Variants in KIAA1217 observed in about 807,000 individuals in gnomAD.
KIAA1217 encodes KIAA1217.
Under a neutral mutation model 163.9 loss-of-function variants are expected in KIAA1217, and 88 were observed. The ratio of observed to expected loss-of-function variants is 0.54; its 90% CI spans 0.45 to 0.64. The LOEUF is 0.64. Among genes scored for constraint, KIAA1217 ranks in the 30% least tolerant of loss-of-function variants. KIAA1217 has a pLI of 0.00. For missense variants in KIAA1217, 2,372 were observed against 2,475.0 expected (o/e 0.96, Z 0.88); for synonymous variants, 903 against 923.1 (o/e 0.98, Z 0.39).
chr10:24,184,989 C>A (rs974883720), intron 2 of KIAA1217, among the ~76,000 whole-genome samples: 8 of 152,054 alleles, frequency 5.3e-5, no homozygotes, highest in Non-Finnish European at 1.0e-4. Flanking sequence ...ATATATGTTT[C>A]TGTATGTAAA....
At chr10:24,054,362 G>A (rs1031359428) in intron 2 of KIAA1217, among the ~76,000 whole-genome samples, 1 of 152,166 alleles carries the variant, frequency 6.6e-6, no homozygotes, top group Non-Finnish European at 1.5e-5. Context: ...GCTATTTAAA[G>A]CCATGGGATT....
chr10:24,017,227 AT>A (rs1240826407), intron 2 of KIAA1217, among the ~76,000 whole-genome samples: 2 of 151,332 alleles, frequency 1.3e-5, no homozygotes, highest in East Asian at 3.9e-4. Flanking sequence ...TAACTTTAAC[AT>A]TTTACATTTT....
At chr10:24,370,671 C>T (rs1369299480) in intron 2 of KIAA1217, among the ~76,000 whole-genome samples, 4 of 152,146 alleles carry the variant, frequency 2.6e-5, no homozygotes, top group Non-Finnish European at 4.4e-5. Context: ...CAGCCTTGAA[C>T]TGCCAGGTTC....
chr10:24,190,025 T>TA (rs78009696), intron 2 of KIAA1217, among the ~76,000 whole-genome samples: 2,119 of 127,080 alleles, frequency 0.017, 34 homozygotes, highest in African/African-American at 0.037. Flanking sequence ...TGTCTCTATT[T>TA]AAAAAAAAAA....
At chr10:24,216,006 C>T (rs1449990066) in intron 1 of KIAA1217, among the ~76,000 whole-genome samples, 2 of 152,066 alleles carry the variant, frequency 1.3e-5, no homozygotes, top group African/African-American at 4.8e-5. Context: ...TCCTCTAAAT[C>T]GCATCAATCC....
chr10:24,514,245 G>C (rs1291863545), intron 10 of KIAA1217, among the ~76,000 whole-genome samples: 3 of 152,172 alleles, frequency 2.0e-5, no homozygotes, highest in Non-Finnish European at 4.4e-5. Flanking sequence ...GGTTTCTCCA[G>C]TGTTGATAAT....
At chr10:24,318,478 C>A (rs1344414345) in intron 2 of KIAA1217, among the ~76,000 whole-genome samples, 1 of 152,162 alleles carries the variant, frequency 6.6e-6, no homozygotes, top group Non-Finnish European at 1.5e-5. Flanking sequence ...AGGTCTCCAT[C>A]CTGCTGACCT....
chr10:23,916,060 A>G (rs1054407532), intron 1 of KIAA1217, among the ~76,000 whole-genome samples: 2 of 152,140 alleles, frequency 1.3e-5, no homozygotes, highest in African/African-American at 4.8e-5. Flanking sequence ...TCAATATTCT[A>G]TCTGTCACTT....
At chr10:24,033,042 G>A (rs998767115) in intron 2 of KIAA1217, among the ~76,000 whole-genome samples, 1 of 152,126 alleles carries the variant, frequency 6.6e-6, no homozygotes, top group African/African-American at 2.4e-5. Flanking sequence ...CTATGTAAGG[G>A]AGTATTTTGC....
chr10:24,088,274 T>TATATATATATAC lies in KIAA1217; in HGVS notation c.-171+80901_-171+80902insTATATATATACA, dbSNP rs1285415158. Among the ~76,000 whole-genome samples the TATATATATATAC allele has an allele frequency of 1.4e-4, 15 of 107,242 alleles. 1 individual carries two copies. The highest frequency in any genetic ancestry group is 4.6e-4 in the African/African-American group (15 of 32,280). 70.4% of individuals were successfully genotyped at this position (107,242 alleles called of 152,430 possible). A position where few individuals can be genotyped will look rare whatever the true frequency, so the allele number is the denominator to read the frequency against. On this transcript the variant is annotated intron_variant, in intron 2 of 18. Transcript: ENST00000376462. Reference sequence around the variant, plus strand: ...TAATATACATATATATATATATATATACACACATATATGTGTATATATATA... The same window carrying TATATATATATAC: ...TAATATACATATATATATATATATATATATATATATACACACACATATATGTGTATATATATA...
chr10:23,814,835 T>G (rs558891783), intron 1 of KIAA1217, among the ~76,000 whole-genome samples: 1 of 152,086 alleles, frequency 6.6e-6, no homozygotes, highest in Non-Finnish European at 1.5e-5. Context: ...AAAAAATCAC[T>G]TAAGAGTCTG....
intron 2 of KIAA1217, among the ~76,000 whole-genome samples, chr10:24,359,125 T>G (rs2049593517): frequency 1.3e-5 from 2 of 149,646 alleles, no homozygotes; most frequent in African/African-American, 4.9e-5. Flanking sequence ...AGTCTCACTC[T>G]GTCACCCAGG....
intron 6 of KIAA1217, among the ~76,000 whole-genome samples, chr10:24,492,442 T>A (rs554928183): frequency 4.6e-5 from 7 of 152,206 alleles, no homozygotes; most frequent in Non-Finnish European, 1.0e-4. Context: ...GGAGATATAT[T>A]TCCACACTCA....
chr10:24,036,926 T>C (rs1462834677), intron 2 of KIAA1217, among the ~76,000 whole-genome samples: 1 of 152,088 alleles, frequency 6.6e-6, no homozygotes, highest in Non-Finnish European at 1.5e-5. Context: ...GGAGAAAACT[T>C]CCAGTCCTAT....
In KIAA1217 at chr10:24,391,287, A is replaced by G. The variant is rs148409832; in HGVS notation, c.553+10220A>G. 5.3e-3 allele frequency among the ~76,000 whole-genome samples: 785 copies of G among 148,418 alleles called. 12 individuals are homozygous for G. Among genetic ancestry groups the G allele is most frequent in the African/African-American group, 0.018 (722 of 40,752 alleles). Reference sequence around the variant, plus strand: ...AGGAGGAAACAGTCTTAGCAGTGAGAGAGGTCTTAGAGAAGATTTAGGTTC... The same window carrying G: ...AGGAGGAAACAGTCTTAGCAGTGAGGGAGGTCTTAGAGAAGATTTAGGTTC... On this transcript the variant is annotated intron_variant, in intron 3 of 20. Coordinates refer to ENST00000376454, the MANE Select transcript of KIAA1217 (RefSeq NM_019590.5).
intron 1 of KIAA1217, among the ~76,000 whole-genome samples, chr10:23,881,229 C>G (rs903251702): frequency 2.0e-5 from 3 of 151,854 alleles, no homozygotes; most frequent in African/African-American, 2.4e-5. Context: ...AGTTTTTAAC[C>G]ATTGAAATTA....
At chr10:24,535,170 A>G (rs914495523) in intron 16 of KIAA1217, among the ~76,000 whole-genome samples, 3 of 152,216 alleles carry the variant, frequency 2.0e-5, no homozygotes, top group Admixed American at 1.3e-4. Flanking sequence ...AGCTCAAAGG[A>G]GATGGCAATT....
At chr10:24,193,019 C>T (rs2066799656) in intron 2 of KIAA1217, among the ~76,000 whole-genome samples, 10 of 152,054 alleles carry the variant, frequency 6.6e-5, no homozygotes, top group Admixed American at 6.6e-4. Flanking sequence ...TGGGCTTAAG[C>T]AATCTTCCCA....
intron 2 of KIAA1217, among the ~76,000 whole-genome samples, chr10:24,109,189 A>G (rs2062746566): frequency 6.6e-6 from 1 of 152,152 alleles, no homozygotes; most frequent in Non-Finnish European, 1.5e-5. Flanking sequence ...ATGATCAGAG[A>G]GATGGATCAA....
Sources: gnomAD v4.1 joint callset for allele counts (sites outside exome capture counted in the v4.1 genomes callset) on GRCh38, gnomAD v4.1.1 for gene constraint, MANE v1.5 for transcripts, NCBI Gene and HGNC (gene_info 2026-07-23, HGNC 2026-07-21) for gene names.